CNGA1: variants seen among roughly 807,000 people sequenced by gnomAD.
CNGA1 encodes the protein cyclic nucleotide gated channel subunit alpha 1.
Under a neutral mutation model 69.7 loss-of-function variants are expected in CNGA1, and 53 were observed. The observed-to-expected ratio is 0.76, with a 90% CI of 0.61 to 0.96. The LOEUF is 0.96. Among genes scored for constraint, CNGA1 ranks in the 40% least tolerant of loss-of-function variants. The pLI is 0.00. For synonymous variants in CNGA1, 249 were observed against 283.5 expected, an observed-to-expected ratio of 0.88 and a Z score of 1.22; for missense variants, 739 against 811.2, an observed-to-expected ratio of 0.91 and a Z score of 1.08.
intron 2 of CNGA1, among the ~76,000 whole-genome samples, chr4:47,990,350 G>C (rs1295311998): frequency 6.6e-6 from 1 of 152,248 alleles, no homozygotes; most frequent in African/African-American, 2.4e-5. Context: ...CACTCTGGGA[G>C]TGTCTGTCTT....
intron 2 of CNGA1, among the ~76,000 whole-genome samples, chr4:47,984,904 G>A (rs1741918872): frequency 6.6e-6 from 1 of 152,074 alleles, no homozygotes; most frequent in South Asian, 2.1e-4. Context: ...TTTACATTCA[G>A]TGTTCACTTT....
chr4:47,962,902 A>G (rs1488274271), intron 3 of CNGA1, among the ~76,000 whole-genome samples: 1 of 152,224 alleles, frequency 6.6e-6, no homozygotes, highest in African/African-American at 2.4e-5. Context: ...TAAGCAAACA[A>G]CACTAATTTA....
At chr4:48,003,608 T>C (rs1212144969) in intron 2 of CNGA1, among the ~76,000 whole-genome samples, 1 of 152,206 alleles carries the variant, frequency 6.6e-6, no homozygotes, top group Non-Finnish European at 1.5e-5. Flanking sequence ...CATTAGTTTG[T>C]AGCAATTACT....
chr4:47,967,654 A>G (rs147885775), intron 3 of CNGA1, among the ~76,000 whole-genome samples: 73 of 152,336 alleles, frequency 4.8e-4, no homozygotes, highest in Middle Eastern at 3.4e-3. Flanking sequence ...CTTATATGTA[A>G]TAGCAAAGAA....
At chr4:47,955,173 CTTTTTTTTTTTT>C (rs377338639) in intron 3 of CNGA1, among the ~76,000 whole-genome samples, 56 of 98,196 alleles carry the variant, frequency 5.7e-4, no homozygotes, top group Middle Eastern at 6.3e-3. Flanking sequence ...TTTTTCTTTT[CTTTTTTTTTTTT>C]TTTTTTTTTT....
intron 6 of CNGA1, among the ~76,000 whole-genome samples, chr4:47,948,185 C>T (rs199667158): frequency 2.8e-5 from 4 of 143,720 alleles, no homozygotes; most frequent in Admixed American, 2.1e-4. Flanking sequence ...CACTTTAAGG[C>T]AAAAAAAAAA....
Position 47,940,724 on chromosome 4 carries a change from G to A in CNGA1, c.652+39C>T, listed in dbSNP as rs1028061609. ...TCAAATTACAATGCTAGAGATAAAA[G>A]CATGAAATTTTAAAATATTCAAAAC... On this transcript the variant is annotated intron_variant, in intron 10 of 10. Coordinates refer to ENST00000514170, the MANE Select transcript of CNGA1 (RefSeq NM_001379270.1). 2.4e-6 allele frequency: 3 copies of A among 1,265,034 alleles called. No individual in the cohort carries two copies. The African/African-American group carries it at 4.4e-5, about 19-fold the overall frequency. The allele number at this position is 1,265,034 out of a possible 1,614,324, so 78.4% of individuals were successfully genotyped here.
At chr4:47,998,778 A>AAAAT (rs941239454) in intron 2 of CNGA1, among the ~76,000 whole-genome samples, 3 of 152,148 alleles carry the variant, frequency 2.0e-5, no homozygotes, top group Non-Finnish European at 4.4e-5. Flanking sequence ...CTCCATCTCA[A>AAAAT]AAATAAATAA....
In CNGA1 at chr4:47,936,981, A is replaced by G; in HGVS notation, c.1501T>C (p.Tyr501His). 1 of 1,613,912 alleles carries G rather than the reference A, an allele frequency of 6.2e-7. No homozygotes were observed. Among genetic ancestry groups the G allele is most frequent in the Non-Finnish European group, 8.5e-7 (1 of 1,179,830 alleles). ...LQPQVYSPGD[Y>H]ICKKGDIGRE... ...CCGATATCCCCTTTCTTGCAAATAT[A>G]ATCTCCAGGACTGTAGACTTGGGGT... Residue 501 changes from tyrosine to histidine, a missense_variant, in exon 11 of 11, where the codon TAT (tyrosine) becomes CAT (histidine). Transcript: ENST00000514170.
intron 2 of CNGA1, among the ~76,000 whole-genome samples, chr4:47,995,625 C>A (rs745586341): frequency 9.5e-5 from 14 of 148,034 alleles, no homozygotes; most frequent in Non-Finnish European, 1.5e-4. Flanking sequence ...AATAACTAAC[C>A]CCCTGAATTC....
intron 9 of CNGA1, 40 bp downstream of exon 9, chr4:47,942,001 G>C (rs770287533): frequency 2.8e-5 from 34 of 1,222,114 alleles, no homozygotes; most frequent in Non-Finnish European, 3.7e-5. Flanking sequence ...CTAGAAATGG[G>C]GTGAGATCCA....
At chr4:47,966,375 A>G (rs951121270) in intron 3 of CNGA1, among the ~76,000 whole-genome samples, 2 of 152,322 alleles carry the variant, frequency 1.3e-5, no homozygotes, top group South Asian at 2.1e-4. Context: ...ACCCACTTAC[A>G]CACACAAACC....
At chr4:47,953,192 A>C (rs1478390390) in intron 3 of CNGA1, among the ~76,000 whole-genome samples, 1 of 152,232 alleles carries the variant, frequency 6.6e-6, no homozygotes, top group Non-Finnish European at 1.5e-5. Context: ...TTGCAGTTTT[A>C]CATAGGAATT....
intron 2 of CNGA1, among the ~76,000 whole-genome samples, chr4:48,001,572 TA>T (rs1714665935): frequency 6.6e-6 from 1 of 152,222 alleles, no homozygotes; most frequent in Non-Finnish European, 1.5e-5. Flanking sequence ...TTAATAATGA[TA>T]AAATTGTCTA....
At chr4:47,972,705 G>A (rs1049595266) in intron 3 of CNGA1, among the ~76,000 whole-genome samples, 3 of 151,946 alleles carry the variant, frequency 2.0e-5, no homozygotes, top group Non-Finnish European at 4.4e-5. Flanking sequence ...TTTTGAGTTG[G>A]GTTCTTTAAT....
rs1738630653 is a variant in CNGA1, at chr4:47,936,263, A to G, written c.*158T>C. ...AGCTTTTTTAATCATAGTATCTCTC[A>G]GAGAGGGTGTGGGCCTTGTACCTTG... On this transcript the variant is annotated 3_prime_UTR_variant, in exon 11 of 11. Coordinates refer to ENST00000514170, the MANE Select transcript of CNGA1 (RefSeq NM_001379270.1). 3 of 710,528 alleles carry G rather than the reference A, an allele frequency of 4.2e-6. No homozygotes were observed. Among genetic ancestry groups the G allele is most frequent in the Admixed American group, 2.4e-5 (1 of 41,704 alleles). 44.0% of individuals were successfully genotyped at this position (710,528 alleles called of 1,614,324 possible). A position where few individuals can be genotyped will look rare whatever the true frequency, so the allele number is the denominator to read the frequency against.
chr4:47,999,629 G>A lies in CNGA1; in HGVS notation c.-123+11165C>T, dbSNP rs1400205424. Among the ~76,000 whole-genome samples, 12 of 152,266 alleles carry A rather than the reference G, an allele frequency of 7.9e-5. No individual in the cohort carries two copies. In the South Asian group the frequency reaches 2.5e-3, roughly 32 times the overall value. On this transcript the variant is annotated intron_variant, in intron 2 of 10. Transcript: ENST00000514170. ...CTCACACCTGTAATCACAGCACTTT[G>A]GGAGGCCGAGGCAGGTGGATCACCT...
rs371440311 is a variant in CNGA1 at position 47,936,552 on chromosome 4, A to G, written c.1930T>C (p.Tyr644His). 6.2e-6 allele frequency: 10 copies of G among 1,614,044 alleles called. No homozygotes were observed. In the African/African-American group the frequency reaches 1.1e-4, roughly 17 times the overall value. The change falls in exon 11 of 11, where the codon TAT becomes CAT. Residue 644 changes from tyrosine (Y) to histidine (H), a missense_variant. Coordinates refer to ENST00000514170, the MANE Select transcript of CNGA1 (RefSeq NM_001379270.1). ...TTCAGTTTCTGCTGCATGGACTCAT[A>G]CTCAGCCAAGATTCGGGCAAACCTG... ...QTRFARILAE[Y>H]ESMQQKLKQR...
In CNGA1 at chr4:47,950,449, C is replaced by T. The variant is rs139274107; in HGVS notation, c.225-554G>A. ...TTTTTCTTTATAAATTAACCAGTCT[C>T]GGGTATTTCTTCATAACATTATGAA... On this transcript the variant is annotated intron_variant, in intron 5 of 10. Transcript: ENST00000514170. Among the ~76,000 whole-genome samples the T allele has an allele frequency of 2.1e-3, 315 of 152,248 alleles. 2 individuals carry two copies. The highest frequency in any genetic ancestry group is 7.1e-3 in the African/African-American group (294 of 41,526).
Sources: allele counts gnomAD v4.1 joint callset (sites outside exome capture counted in the v4.1 genomes callset), GRCh38; gene constraint gnomAD v4.1.1; transcripts MANE v1.5; gene names NCBI Gene and HGNC (gene_info 2026-07-23, HGNC 2026-07-21).